Variants in TLE1 observed in about 807,000 individuals in gnomAD.
TLE1 encodes transducin-like enhancer protein 1.
A neutral mutation model predicts 89.8 loss-of-function variants in TLE1; 21 were observed. The ratio of observed to expected loss-of-function variants is 0.23; its 90% CI spans 0.17 to 0.34. The LOEUF (loss-of-function observed/expected upper bound fraction) is 0.34, where lower values mean the gene tolerates loss of function less well. Among genes scored for constraint, TLE1 ranks in the 10% least tolerant of loss-of-function variants. TLE1 has a pLI of 1.00. For synonymous variants in TLE1, 447 were observed against 407.6 expected, an observed-to-expected ratio of 1.10 and a Z score of -1.16; for missense variants, 795 against 1,031.2, an observed-to-expected ratio of 0.77 and a Z score of 3.14.
At chr9:81,684,511 T>C (rs1039719708) in intron 4 of TLE1, among the ~76,000 whole-genome samples, 19 of 152,202 alleles carry the variant, frequency 1.2e-4, no homozygotes, top group African/African-American at 4.1e-4. Context: ...AGTGCGGAGT[T>C]ACAAAAGCAG....
At chr9:81,592,572 C>G (rs1183395578) in intron 15 of TLE1, among the ~76,000 whole-genome samples, 1 of 152,162 alleles carries the variant, frequency 6.6e-6, no homozygotes. Context: ...AACCAGCTCT[C>G]TCAGGTCTCC....
At chr9:81,687,100 C>T (rs1834384359) in intron 2 of TLE1, among the ~76,000 whole-genome samples, 1 of 152,172 alleles carries the variant, frequency 6.6e-6, no homozygotes, top group Admixed American at 6.5e-5. Flanking sequence ...AAAAAGGACT[C>T]CCTGGAACAG....
chr9:81,685,840 T>C lies in TLE1; in HGVS notation c.182A>G (p.Tyr61Cys). 1.2e-6 allele frequency: 2 copies of C among 1,614,092 alleles called. No individual in the cohort carries two copies. The highest frequency in any genetic ancestry group is 1.7e-6 in the Non-Finnish European group (2 of 1,180,004). ...ASEKTEMQRH[Y>C]VMYYEMSYGL... ...CCAATCTTTGATACCTACCATCACA[T>C]AGTGCCTCTGCATTTCTGTCTTTTC... The change falls in exon 3 of 20, where the codon TAT becomes TGT. Residue 61 changes from tyrosine to cysteine, a missense_variant. This residue lies in a region of TLE1 where 66 missense variants were observed against 118.7 expected (regional missense o/e 0.56). Transcript: ENST00000376499.
At position 81,688,494 on chromosome 9, in the gene TLE1, C is replaced by T. The variant is rs796790093; in HGVS notation, c.-254G>A. 16 of 400,022 alleles carry T rather than the reference C, an allele frequency of 4.0e-5. No individual in the cohort carries two copies. Among genetic ancestry groups the T allele is most frequent in the South Asian group, 3.3e-4 (4 of 12,116 alleles). 24.8% of individuals were successfully genotyped at this position (400,022 alleles called of 1,614,324 possible). A position where few individuals can be genotyped will look rare whatever the true frequency, so the allele number is the denominator to read the frequency against. On this transcript the variant is annotated 5_prime_UTR_variant, in exon 1 of 20. Transcript: ENST00000376499. ...GCCCCAGGCCCAGCTGCTTCAAGAA[C>T]CTGCGCGGAGACGTCGGGCGCTCGG...
At chr9:81,647,452 CACA>C (rs1828995211) in intron 6 of TLE1, among the ~76,000 whole-genome samples, 1 of 152,192 alleles carries the variant, frequency 6.6e-6, no homozygotes, top group Non-Finnish European at 1.5e-5. Context: ...GTCATTCATG[CACA>C]ACAACTTAAT....
chr9:81,625,911 TAA>T (rs35467275), intron 8 of TLE1, among the ~76,000 whole-genome samples: 35,681 of 88,198 alleles, frequency 0.4, 6,468 homozygotes, highest in East Asian at 0.78. Context: ...CAGAAACTAC[TAA>T]AAAAAAAAAA....
chr9:81,661,117 G>A (rs978474123), intron 4 of TLE1, among the ~76,000 whole-genome samples: 2 of 145,820 alleles, frequency 1.4e-5, no homozygotes, highest in African/African-American at 5.1e-5. Context: ...AGTGAGACTC[G>A]GTCTCAAAAA....
At position 81,610,041 on chromosome 9, in the gene TLE1, C is replaced by CA. The variant is rs1161280803; in HGVS notation, c.1331+178dup. On this transcript the variant is annotated intron_variant, in intron 14 of 19. Transcript: ENST00000376499. Reference sequence around the variant, plus strand: ...AAGGAGATCACCCCCAGGGAGAAGACAGAGGCATGACACCTACAAGCTGCC... The same window carrying CA: ...AAGGAGATCACCCCCAGGGAGAAGACAAGAGGCATGACACCTACAAGCTGCC... Among the ~76,000 whole-genome samples the CA allele has an allele frequency of 3.9e-5, 6 of 152,312 alleles. No individual in the cohort carries two copies. In the South Asian group the frequency reaches 8.3e-4, roughly 21 times the overall value.
intron 4 of TLE1, among the ~76,000 whole-genome samples, chr9:81,654,785 GAAGA>G (rs1466270071): frequency 1.3e-5 from 2 of 152,188 alleles, no homozygotes; most frequent in African/African-American, 4.8e-5. Context: ...TGATAGAGTA[GAAGA>G]AAGGCCTGCT....
At position 81,591,017 on chromosome 9, in the gene TLE1, T is replaced by C. The variant is rs1311772786; in HGVS notation, c.1617A>G (p.Leu539=). The change falls in exon 16 of 20, where the codon CTA becomes CTG. Residue 539 remains leucine (L), a synonymous_variant. Coordinates refer to ENST00000376499, the MANE Select transcript of TLE1 (RefSeq NM_005077.5). ...RDNYIRSCKL[L]PDGCTLIVGG... ...CCACTATGAGAGTGCAGCCATCGGG[T>C]AGCAATTTACAGGAACGGATATAAT... The C allele has an allele frequency of 4.3e-6, 7 of 1,614,100 alleles. No individual in the cohort carries two copies. The highest frequency in any genetic ancestry group is 2.2e-5 in the East Asian group (1 of 44,896).
chr9:81,653,759 G>GA (rs1047344848), intron 5 of TLE1, among the ~76,000 whole-genome samples: 5 of 151,982 alleles, frequency 3.3e-5, no homozygotes, highest in East Asian at 1.9e-4. Context: ...TTTTCCACAG[G>GA]AAAAAAAATT....
intron 8 of TLE1, among the ~76,000 whole-genome samples, chr9:81,632,540 G>A (rs1826806647): frequency 6.7e-6 from 1 of 148,556 alleles, no homozygotes; most frequent in Non-Finnish European, 1.5e-5. Flanking sequence ...TCAGAAAGAA[G>A]GAGGCAAAAC....
chr9:81,663,323 A>T (rs1831050786), intron 4 of TLE1, among the ~76,000 whole-genome samples: 1 of 133,384 alleles, frequency 7.5e-6, no homozygotes, highest in Non-Finnish European at 1.6e-5. Context: ...GGTCTAAAGG[A>T]AATGATTTGT....
intron 14 of TLE1, among the ~76,000 whole-genome samples, chr9:81,601,799 C>T (rs139673974): frequency 2.6e-5 from 4 of 152,194 alleles, no homozygotes; most frequent in South Asian, 2.1e-4. Flanking sequence ...CTTAATAATT[C>T]GAAAATGCGA....
chr9:81,634,141 G>A lies in TLE1; in HGVS notation c.533C>T (p.Ala178Val). The A allele has an allele frequency of 6.2e-7, 1 of 1,607,954 alleles. No individual in the cohort carries two copies. The highest frequency in any genetic ancestry group is 1.7e-5 in the Admixed American group (1 of 59,480). ...GTGGTGCTTCTTGTCATCTTTTATT[G>A]CCAAGTGAGACTGCCCACTCAGAGC... Reference protein sequence around the residue: ...SSALSGQSHLAIKDDKKHHDA... With the variant: ...SSALSGQSHLVIKDDKKHHDA... The change falls in exon 7 of 20, where the codon GCA becomes GTA. Residue 178 changes from alanine to valine, a missense_variant. This residue lies in a region of TLE1 where 468 missense variants were observed against 509.1 expected (regional missense o/e 0.92). Transcript: ENST00000376499.
chr9:81,674,187 C>T (rs979437516), intron 4 of TLE1, among the ~76,000 whole-genome samples: 1 of 152,204 alleles, frequency 6.6e-6, no homozygotes, highest in African/African-American at 2.4e-5. Flanking sequence ...TTGCAAACTG[C>T]TAAACAAGCA....
intron 8 of TLE1, among the ~76,000 whole-genome samples, chr9:81,624,448 A>G (rs1222724556): frequency 6.6e-6 from 1 of 152,204 alleles, no homozygotes; most frequent in African/African-American, 2.4e-5. Flanking sequence ...TTGCCACTGC[A>G]GACACCTCTT....
At chr9:81,631,174 T>C (rs1307878689) in intron 8 of TLE1, among the ~76,000 whole-genome samples, 1 of 152,192 alleles carries the variant, frequency 6.6e-6, no homozygotes, top group African/African-American at 2.4e-5. Context: ...TAACCCACAG[T>C]TGCCTGTAAC....
intron 4 of TLE1, among the ~76,000 whole-genome samples, chr9:81,670,576 C>G (rs935769681): frequency 1.3e-5 from 2 of 152,014 alleles, no homozygotes; most frequent in African/African-American, 4.8e-5. Flanking sequence ...ACCTTGTGAT[C>G]TGCCCACCTC....
Sources: gnomAD v4.1 joint callset for allele counts (sites outside exome capture counted in the v4.1 genomes callset) on GRCh38, gnomAD v4.1.1 for gene constraint, gnomAD v4.1.1 regional missense constraint, MANE v1.5 for transcripts, NCBI Gene and HGNC (gene_info 2026-07-23, HGNC 2026-07-21) for gene names.